The following SEMA4D variants were observed in gnomAD, a reference collection of about 807,000 sequenced individuals.
The protein encoded by SEMA4D is semaphorin-4D.
A neutral mutation model predicts 74.8 loss-of-function variants in SEMA4D; 22 were observed. That is an observed-to-expected ratio of 0.29 (90% CI 0.21 to 0.42). The LOEUF (loss-of-function observed/expected upper bound fraction) is 0.42. SEMA4D is among the 10% of genes least tolerant of loss of function. SEMA4D has a pLI of 1.00. For missense variants in SEMA4D, 937 were observed against 1,118.4 expected (o/e 0.84, Z 2.31); for synonymous variants, 445 against 463.7 (o/e 0.96, Z 0.52).
At chr9:89,429,708 C>A (rs1030937647) in intron 2 of SEMA4D, among the ~76,000 whole-genome samples, 4 of 152,170 alleles carry the variant, frequency 2.6e-5, no homozygotes, top group Admixed American at 1.3e-4. Flanking sequence ...ACGTACCCGA[C>A]CTCCAGAAGC....
At chr9:89,391,734 G>A (rs997237131) in intron 8 of SEMA4D, among the ~76,000 whole-genome samples, 11 of 152,182 alleles carry the variant, frequency 7.2e-5, no homozygotes, top group Non-Finnish European at 1.3e-4. Context: ...GGAGCCAGAT[G>A]GTACCAGCAT....
intron 2 of SEMA4D, among the ~76,000 whole-genome samples, chr9:89,437,209 G>A (rs1850639792): frequency 6.6e-6 from 1 of 152,208 alleles, no homozygotes; most frequent in South Asian, 2.1e-4. Context: ...ACCCCCATGA[G>A]TGGCCTGATC....
chr9:89,420,201 G>GAA (rs763297501), intron 2 of SEMA4D, among the ~76,000 whole-genome samples: 2 of 152,132 alleles, frequency 1.3e-5, no homozygotes, highest in Non-Finnish European at 2.9e-5. Context: ...TCCTGAGTGG[G>GAA]AACACACTTC....
At position 89,381,556 on chromosome 9, in the gene SEMA4D, C is replaced by T. The variant is rs976005463; in HGVS notation, c.1447-210G>A. 3 of 460,238 alleles carry T rather than the reference C, an allele frequency of 6.5e-6. No individual in the cohort carries two copies. The East Asian group carries it at 9.7e-5, about 15-fold the overall frequency. The allele number at this position is 460,238 out of a possible 1,614,324, so 28.5% of individuals were successfully genotyped here. A position where few individuals can be genotyped will look rare whatever the true frequency, so the allele number is the denominator to read the frequency against. On this transcript the variant is annotated intron_variant, in intron 13 of 15. Coordinates refer to ENST00000422704, the MANE Select transcript of SEMA4D (RefSeq NM_001371194.2). This position sits in a 1 kb window ranked among gnomAD's most constrained non-coding sequence, Gnocchi z 4.6. Reference sequence around the variant, plus strand: ...ACGTGCTATGTCAGGGCTCACTGGGCCTTAGGTCCAAATCCCTCTCTCCCC... The same window carrying T: ...ACGTGCTATGTCAGGGCTCACTGGGTCTTAGGTCCAAATCCCTCTCTCCCC...
At chr9:89,376,935 GC>G (rs1656455663), downstream of SEMA4D, 2 of 1,550,818 alleles carry the variant, frequency 1.3e-6, no homozygotes, top group Non-Finnish European at 1.7e-6. Context: ...CTGCTGTCGG[GC>G]CCCGCACCCG....
intron 9 of SEMA4D, among the ~76,000 whole-genome samples, chr9:89,389,480 G>T (rs897394629): frequency 8.5e-5 from 13 of 152,246 alleles, no homozygotes; most frequent in Non-Finnish European, 1.9e-4. Flanking sequence ...CCTTCCAGGG[G>T]ACAGCCACCG....
In SEMA4D at chr9:89,399,356, A is replaced by G. The variant is rs1389033296; in HGVS notation, c.253-18T>C. 6.4e-7 allele frequency: 1 copy of G among 1,563,282 alleles called. No individual in the cohort carries two copies. The stretch of plus-strand genomic sequence containing the variant: ...CAATACACCTGTTGGGATAGAGTCC[A>G]TATCAGTGCATATTCTTTTAAAGAG... On this transcript the variant is annotated intron_variant, in intron 4 of 15. Coordinates refer to ENST00000422704, the MANE Select transcript of SEMA4D (RefSeq NM_001371194.2).
At chr9:89,471,286 G>A (rs1267462384) in intron 1 of SEMA4D, among the ~76,000 whole-genome samples, 2 of 152,160 alleles carry the variant, frequency 1.3e-5, no homozygotes, top group African/African-American at 4.8e-5. Context: ...GGAGGGTGGT[G>A]ATGGCTGCCC....
intron 1 of SEMA4D, among the ~76,000 whole-genome samples, chr9:89,493,502 A>G (rs931893620): frequency 1.3e-5 from 2 of 152,244 alleles, no homozygotes; most frequent in African/African-American, 4.8e-5. Flanking sequence ...ACTCACAGTG[A>G]GAACCAAGTG....
At chr9:89,387,643 G>A (rs778761837) in intron 11 of SEMA4D, 35 bp from the exon 12 acceptor site, 10 of 1,594,102 alleles carry the variant, frequency 6.3e-6, no homozygotes, top group Admixed American at 3.3e-5. Flanking sequence ...TAACGTGCTC[G>A]TGTCCCACCA....
chr9:89,418,488 T>C lies in SEMA4D; in HGVS notation c.-243-12789A>G, dbSNP rs188817199. The C allele has an allele frequency of 1.4e-3, 1,239 of 894,328 alleles. 4 individuals carry two copies. The highest frequency in any genetic ancestry group is 1.6e-3 in the Non-Finnish European group (1,167 of 746,822). 55.4% of individuals were successfully genotyped at this position (894,328 alleles called of 1,614,324 possible). A position where few individuals can be genotyped will look rare whatever the true frequency, so the allele number is the denominator to read the frequency against. On this transcript the variant is annotated intron_variant, in intron 2 of 15. Transcript: ENST00000422704. The stretch of plus-strand genomic sequence containing the variant: ...ATTGTCTATTAGCTCCAGATATGTA[T>C]CCTTTAAAATTCATCTTCATGAGGC...
intron 16 of SEMA4D, among the ~76,000 whole-genome samples, chr9:89,370,894 G>A (rs150349269): frequency 2.3e-4 from 34 of 146,216 alleles, no homozygotes; most frequent in Admixed American, 2.3e-3. Flanking sequence ...TCTGGGATGT[G>A]TGGCATGTGA....
intron 2 of SEMA4D, among the ~76,000 whole-genome samples, chr9:89,452,564 A>G (rs1438383213): frequency 6.6e-6 from 1 of 151,758 alleles, no homozygotes; most frequent in East Asian, 1.9e-4. Flanking sequence ...CGATTCTCCT[A>G]TCTCAGCCTC....
At chr9:89,376,787 G>T, downstream of SEMA4D, 1 of 1,519,958 alleles carries the variant, frequency 6.6e-7, no homozygotes, top group Non-Finnish European at 8.9e-7. Context: ...ACCTGTGGGA[G>T]GAGACAGATG....
chr9:89,380,826 A>C (rs888955091), intron 15 of SEMA4D, among the ~76,000 whole-genome samples: 1 of 152,224 alleles, frequency 6.6e-6, no homozygotes, highest in South Asian at 2.1e-4. Context: ...ATGGTTTTGG[A>C]AGGAGACTGC....
intron 2 of SEMA4D, among the ~76,000 whole-genome samples, chr9:89,430,090 G>A (rs1447422079): frequency 6.6e-6 from 1 of 151,884 alleles, no homozygotes; most frequent in East Asian, 1.9e-4. Flanking sequence ...CCTCAGGCTG[G>A]GATGGCAAGT....
At chr9:89,384,388 C>T (rs1372300220) in intron 13 of SEMA4D, among the ~76,000 whole-genome samples, 1 of 152,188 alleles carries the variant, frequency 6.6e-6, no homozygotes, top group African/African-American at 2.4e-5. Flanking sequence ...TGAAATAAGC[C>T]AGTTACAAAT....
exon 17 of SEMA4D, chr9:89,363,911 C>T (rs763212635): frequency 1.5e-5 from 25 of 1,613,986 alleles, no homozygotes; most frequent in Admixed American, 5.0e-5. Flanking sequence ...CTCCAGAGCT[C>T]GCCCATTCTT....
rs958987536 is a variant in SEMA4D at position 89,381,753 on chromosome 9, G to A, written c.1447-407C>T. The A allele has an allele frequency of 6.9e-5, 11 of 159,456 alleles. No individual in the cohort carries two copies. The highest frequency in any genetic ancestry group is 2.4e-4 in the African/African-American group (10 of 41,658). 9.9% of individuals were successfully genotyped at this position (159,456 alleles called of 1,614,324 possible). A position where few individuals can be genotyped will look rare whatever the true frequency, so the allele number is the denominator to read the frequency against. On this transcript the variant is annotated intron_variant, in intron 13 of 15. Coordinates refer to ENST00000422704, the MANE Select transcript of SEMA4D (RefSeq NM_001371194.2). The surrounding 1 kb of genome is among the most constrained non-coding windows in gnomAD (Gnocchi z 4.6). ...TCCCGGCCTCACTATAGGTGAGAAG[G>A]GGCTGCAGCCAGAGGCTGAAGCACA...
Sources: allele counts gnomAD v4.1 joint callset (sites outside exome capture counted in the v4.1 genomes callset), GRCh38; gene constraint gnomAD v4.1.1; non-coding constraint Gnocchi (gnomAD v3.1); transcripts MANE v1.5; gene names NCBI Gene and HGNC (gene_info 2026-07-23, HGNC 2026-07-21).